SPATA16: variants seen among roughly 807,000 people sequenced by gnomAD.
SPATA16 encodes spermatogenesis associated 16.
Under a neutral mutation model 63.3 loss-of-function variants are expected in SPATA16, and 36 were observed. That is an observed-to-expected ratio of 0.57 (90% CI 0.44 to 0.75). SPATA16 has a LOEUF of 0.75. SPATA16 is among the 30% of genes least tolerant of loss of function. The pLI, the probability that SPATA16 is intolerant of heterozygous loss-of-function variation, is 0.00. For missense variants in SPATA16, 646 were observed against 679.3 expected (o/e 0.95, Z 0.54); for synonymous variants, 203 against 216.7 (o/e 0.94, Z 0.56).
chr3:173,020,522 C>G (rs1042530179), intron 3 of SPATA16, among the ~76,000 whole-genome samples: 2 of 152,168 alleles, frequency 1.3e-5, no homozygotes, highest in African/African-American at 4.8e-5. Flanking sequence ...AACTAACTGT[C>G]CTTACCTGCT....
At chr3:172,931,874 C>G (rs548393344) in intron 6 of SPATA16, among the ~76,000 whole-genome samples, 1 of 152,254 alleles carries the variant, frequency 6.6e-6, no homozygotes, top group South Asian at 2.1e-4. Flanking sequence ...ATGAACAGAG[C>G]AGCTTTGCCT....
intron 5 of SPATA16, among the ~76,000 whole-genome samples, chr3:172,972,184 G>T (rs1734060823): frequency 6.6e-6 from 1 of 152,178 alleles, no homozygotes; most frequent in East Asian, 1.9e-4. Flanking sequence ...AATTGGATGG[G>T]AAGTCTTGGT....
At chr3:173,010,055 T>A (rs1273104372) in intron 4 of SPATA16, among the ~76,000 whole-genome samples, 1 of 152,128 alleles carries the variant, frequency 6.6e-6, no homozygotes, top group South Asian at 2.1e-4. Context: ...GGTACTTTCA[T>A]TTTTCGACTG....
intron 9 of SPATA16, among the ~76,000 whole-genome samples, chr3:172,914,715 T>C (rs546612345): frequency 2.0e-5 from 3 of 152,190 alleles, no homozygotes; most frequent in Non-Finnish European, 4.4e-5. Context: ...CAGATATACA[T>C]CCACATATAT....
intron 4 of SPATA16, among the ~76,000 whole-genome samples, chr3:172,979,987 T>C (rs1250647024): frequency 6.6e-6 from 1 of 152,260 alleles, no homozygotes; most frequent in Non-Finnish European, 1.5e-5. Flanking sequence ...ATTCAGATTG[T>C]AGTTGCTCCA....
At chr3:173,075,848 G>A (rs1412935881) in intron 2 of SPATA16, among the ~76,000 whole-genome samples, 2 of 152,092 alleles carry the variant, frequency 1.3e-5, no homozygotes, top group African/African-American at 4.8e-5. Flanking sequence ...AAGATGTAGT[G>A]TTTGGTAGCA....
chr3:173,086,801 C>T (rs1359933717), intron 2 of SPATA16, among the ~76,000 whole-genome samples: 1 of 152,100 alleles, frequency 6.6e-6, no homozygotes, highest in Non-Finnish European at 1.5e-5. Context: ...TTTAAGAAGT[C>T]ATTCAGGAGC....
chr3:172,918,592 T>TA (rs933493889), intron 8 of SPATA16, among the ~76,000 whole-genome samples: 2 of 151,670 alleles, frequency 1.3e-5, no homozygotes, highest in African/African-American at 4.8e-5. Flanking sequence ...ATAAAATTGA[T>TA]ATCTAGTGTG....
intron 4 of SPATA16, among the ~76,000 whole-genome samples, chr3:173,011,058 G>A (rs1425901193): frequency 2.0e-5 from 3 of 152,168 alleles, no homozygotes; most frequent in East Asian, 3.9e-4. Context: ...AAAAATCAAG[G>A]AGGAGGGACT....
intron 10 of SPATA16, among the ~76,000 whole-genome samples, chr3:172,893,257 G>T (rs896771494): frequency 1.3e-5 from 2 of 152,172 alleles, no homozygotes; most frequent in Non-Finnish European, 2.9e-5. Flanking sequence ...TCCTTAGGGT[G>T]GGCCCTAATC....
chr3:173,133,987 A>G (rs1054568180), intron 1 of SPATA16, among the ~76,000 whole-genome samples: 1 of 135,148 alleles, frequency 7.4e-6, no homozygotes, highest in Non-Finnish European at 1.6e-5. Flanking sequence ...TTCACATTTT[A>G]TATGGAAAAA....
At chr3:172,942,733 G>A (rs1377457932) in intron 6 of SPATA16, among the ~76,000 whole-genome samples, 1 of 152,026 alleles carries the variant, frequency 6.6e-6, no homozygotes, top group Non-Finnish European at 1.5e-5. Context: ...ATTAAAAAAT[G>A]ACATTCTTCT....
intron 10 of SPATA16, among the ~76,000 whole-genome samples, chr3:172,909,313 T>C (rs1281788110): frequency 6.6e-6 from 1 of 152,166 alleles, no homozygotes; most frequent in African/African-American, 2.4e-5. Flanking sequence ...AGGAGGTGGA[T>C]TGATTCTTCC....
intron 4 of SPATA16, among the ~76,000 whole-genome samples, chr3:173,003,875 T>C (rs1385527707): frequency 6.6e-6 from 1 of 152,226 alleles, no homozygotes; most frequent in Non-Finnish European, 1.5e-5. Context: ...ATCCTTATGA[T>C]TACTTTGTAG....
intron 10 of SPATA16, among the ~76,000 whole-genome samples, chr3:172,890,962 C>T (rs1020853782): frequency 6.8e-6 from 1 of 147,338 alleles, no homozygotes; most frequent in African/African-American, 2.5e-5. Context: ...TATATATATA[C>T]ATATATATAT....
chr3:173,076,944 C>A (rs916940860), intron 2 of SPATA16, among the ~76,000 whole-genome samples: 5 of 152,062 alleles, frequency 3.3e-5, no homozygotes, highest in Non-Finnish European at 5.9e-5. Flanking sequence ...TTCTGAAGAG[C>A]ATGTGAATTG....
intron 4 of SPATA16, among the ~76,000 whole-genome samples, chr3:172,983,328 C>CTT (rs59406777): frequency 0.036 from 5,078 of 142,476 alleles, 280 homozygotes; most frequent in African/African-American, 0.12. Flanking sequence ...AGTGACCTCT[C>CTT]TTTTTTTTTT....
chr3:173,123,100 A>T (rs1738124919), intron 1 of SPATA16, among the ~76,000 whole-genome samples: 1 of 152,190 alleles, frequency 6.6e-6, no homozygotes, highest in South Asian at 2.1e-4. Context: ...ATGGTACGTT[A>T]TTATTAGAAG....
chr3:173,043,597 A>G (rs1283601180), intron 3 of SPATA16, among the ~76,000 whole-genome samples: 1 of 151,976 alleles, frequency 6.6e-6, no homozygotes, highest in East Asian at 1.9e-4. Context: ...TTTACCATTT[A>G]TCACTTCTGG....
Sources: allele counts gnomAD v4.1 joint callset (sites outside exome capture counted in the v4.1 genomes callset), GRCh38; gene constraint gnomAD v4.1.1; transcripts MANE v1.5; gene names NCBI Gene and HGNC (gene_info 2026-07-23, HGNC 2026-07-21).